ADAMTS19: variants seen among roughly 807,000 people sequenced by gnomAD.
ADAMTS19 encodes ADAM metallopeptidase with thrombospondin type 1 motif 19, also known as A disintegrin and metalloproteinase with thrombospondin motifs 19.
In ADAMTS19, 93 loss-of-function variants were observed where a neutral mutation model predicts 153.3. The observed-to-expected ratio is 0.61, with a 90% CI of 0.51 to 0.72. The LOEUF is 0.72. ADAMTS19 is among the 30% of genes least tolerant of loss of function. ADAMTS19 has a pLI of 0.00. For missense variants in ADAMTS19, 1,482 were observed against 1,552.1 expected (o/e 0.95, Z 0.76); for synonymous variants, 600 against 556.6 (o/e 1.08, Z -1.10).
chr5:129,585,595 T>C (rs1749742035), intron 7 of ADAMTS19, among the ~76,000 whole-genome samples: 3 of 152,206 alleles, frequency 2.0e-5, no homozygotes, highest in Admixed American at 6.5e-5. Context: ...ATGTATTCAA[T>C]ATTTGTTTAT....
intron 6 of ADAMTS19, among the ~76,000 whole-genome samples, chr5:129,545,017 C>T (rs933089250): frequency 2.6e-5 from 4 of 152,096 alleles, no homozygotes; most frequent in Non-Finnish European, 5.9e-5. Flanking sequence ...TAACATCCCA[C>T]TGACTGAGTT....
chr5:129,602,949 C>A (rs182139502), intron 8 of ADAMTS19, among the ~76,000 whole-genome samples: 207 of 151,542 alleles, frequency 1.4e-3, no homozygotes, highest in African/African-American at 4.8e-3. Flanking sequence ...GCATTAACTG[C>A]TCAGTAAATG....
Position 129,616,108 on chromosome 5 carries a change from A to C in ADAMTS19, c.1479-4510A>C, listed in dbSNP as rs148267984. Among the ~76,000 whole-genome samples the C allele has an allele frequency of 1.2e-4, 19 of 152,038 alleles. No individual in the cohort carries two copies. The East Asian group carries it at 3.3e-3, about 26-fold the overall frequency. On this transcript the variant is annotated intron_variant, in intron 8 of 22. Transcript: ENST00000274487. ...TGACTTGCCAGTAAAAGTAGGTTTC[A>C]TTGTTTGTGCAAATTGAAATGACTT...
In ADAMTS19 at chr5:129,609,364, T is replaced by C. The variant is rs575696287; in HGVS notation, c.1479-11254T>C. On this transcript the variant is annotated intron_variant, in intron 8 of 22. Transcript: ENST00000274487. ...TAGGGTTTGTGATACTCTAGTGTCA[T>C]GGCACAATGATTGGCACAAAATACA... Among the ~76,000 whole-genome samples, 39 of 152,340 alleles carry C rather than the reference T, an allele frequency of 2.6e-4. No individual in the cohort carries two copies. In the South Asian group the frequency reaches 8.1e-3, roughly 32 times the overall value.
chr5:129,735,256 T>A, intron 22 of ADAMTS19, 147 bp downstream of exon 22: 1 of 835,888 alleles, frequency 1.2e-6, no homozygotes, highest in South Asian at 4.5e-5. Flanking sequence ...TTAAATATGA[T>A]TTCGTCCAAA....
At chr5:129,729,658 C>T (rs1033120108) in intron 21 of ADAMTS19, among the ~76,000 whole-genome samples, 10 of 152,046 alleles carry the variant, frequency 6.6e-5, no homozygotes, top group Non-Finnish European at 1.2e-4. Context: ...AGTTACAAAA[C>T]GTAATTTGCC....
intron 7 of ADAMTS19, among the ~76,000 whole-genome samples, chr5:129,569,660 A>G (rs1001517917): frequency 6.6e-6 from 1 of 152,150 alleles, no homozygotes; most frequent in African/African-American, 2.4e-5. Context: ...AATTAATTAC[A>G]AAAAGATAGC....
intron 2 of ADAMTS19, among the ~76,000 whole-genome samples, chr5:129,506,274 C>T (rs950443160): frequency 6.6e-6 from 1 of 152,068 alleles, no homozygotes; most frequent in African/African-American, 2.4e-5. Flanking sequence ...AAAGAAAGTT[C>T]ATGGTATGAC....
chr5:129,673,412 G>A (rs1221325243), intron 16 of ADAMTS19, among the ~76,000 whole-genome samples: 1 of 151,946 alleles, frequency 6.6e-6, no homozygotes, highest in Non-Finnish European at 1.5e-5. Flanking sequence ...TGATTCATGA[G>A]TTACTTATAA....
At chr5:129,537,524 C>G (rs1752488843) in intron 6 of ADAMTS19, among the ~76,000 whole-genome samples, 4 of 152,086 alleles carry the variant, frequency 2.6e-5, no homozygotes, top group South Asian at 4.2e-4. Flanking sequence ...TTGGAACCAA[C>G]CCAAATGTCC....
chr5:129,570,757 G>T (rs1211105347), intron 7 of ADAMTS19, among the ~76,000 whole-genome samples: 2 of 151,724 alleles, frequency 1.3e-5, no homozygotes, highest in African/African-American at 4.8e-5. Flanking sequence ...AATAAAGGCT[G>T]GTTCAATATT....
At chr5:129,687,425 A>G (rs1219199162) in intron 18 of ADAMTS19, among the ~76,000 whole-genome samples, 1 of 152,198 alleles carries the variant, frequency 6.6e-6, no homozygotes, top group Non-Finnish European at 1.5e-5. Context: ...GGAGTTAAAC[A>G]TACAGAACTT....
Position 129,701,533 on chromosome 5 carries a change from G to T in ADAMTS19, c.3100G>T (p.Ala1034Ser). ...CTGCATTGGGCCCAAGCCCGCCTCTGCCCAGCGCTGTGAGGGCCAGGACTG... is the reference window on the plus strand; with the variant it reads ...CTGCATTGGGCCCAAGCCCGCCTCTTCCCAGCGCTGTGAGGGCCAGGACTG... Reference protein sequence around the residue: ...RDCIGPKPASAQRCEGQDCMT... With the variant: ...RDCIGPKPASSQRCEGQDCMT... The change falls in exon 20 of 23, where the codon GCC becomes TCC. Residue 1034 changes from alanine to serine, a missense_variant. Physicochemically the swap from Ala to Ser is moderately conservative, Grantham distance 99 (BLOSUM62 1). Around this residue, in one of 2 missense-constraint regions of ADAMTS19, gnomAD observed 616 missense variants for 724.4 expected, o/e 0.85. Coordinates refer to ENST00000274487, the MANE Select transcript of ADAMTS19 (RefSeq NM_133638.6). The T allele has an allele frequency of 1.2e-6, 2 of 1,614,166 alleles. No homozygotes were observed. The highest frequency in any genetic ancestry group is 1.1e-5 in the South Asian group (1 of 91,080).
At chr5:129,608,114 G>GTATATATA (rs1235116462) in intron 8 of ADAMTS19, among the ~76,000 whole-genome samples, 39 of 28,736 alleles carry the variant, frequency 1.4e-3, no homozygotes, top group East Asian at 3.2e-3. Flanking sequence ...GTGTGTGTGT[G>GTATATATA]TGTATATATA....
chr5:129,527,630 TTTTA>T (rs1328042613), intron 4 of ADAMTS19, 114 bp from the exon 5 acceptor site: 45 of 287,008 alleles, frequency 1.6e-4, no homozygotes, highest in Middle Eastern at 1.2e-3. Flanking sequence ...TTTTTTTTTT[TTTTA>T]AAAAAAAAAA....
chr5:129,540,023 G>A (rs1186984933), intron 6 of ADAMTS19, among the ~76,000 whole-genome samples: 1 of 151,988 alleles, frequency 6.6e-6, no homozygotes, highest in African/African-American at 2.4e-5. Context: ...TTCTAGTTAG[G>A]GTAAAGATGA....
intron 3 of ADAMTS19, among the ~76,000 whole-genome samples, chr5:129,513,248 A>T (rs927840352): frequency 6.6e-6 from 1 of 151,886 alleles, no homozygotes; most frequent in African/African-American, 2.4e-5. Context: ...TTGTTCCTCT[A>T]AGTCTGATTG....
chr5:129,516,762 T>A (rs1197654587), intron 3 of ADAMTS19, among the ~76,000 whole-genome samples: 2 of 82,704 alleles, frequency 2.4e-5, no homozygotes, highest in Admixed American at 2.3e-4. Context: ...TTTTATTGAT[T>A]TTTTTTGTAT....
intron 2 of ADAMTS19, among the ~76,000 whole-genome samples, chr5:129,467,229 A>G (rs1423718309): frequency 3.3e-5 from 5 of 152,172 alleles, no homozygotes; most frequent in Admixed American, 6.5e-5. Context: ...AGCATGCTGT[A>G]TGCCTCAGTG....
Sources: allele counts gnomAD v4.1 joint callset (sites outside exome capture counted in the v4.1 genomes callset), GRCh38; gene constraint gnomAD v4.1.1; regional missense constraint gnomAD v4.1.1; transcripts MANE v1.5; gene names NCBI Gene and HGNC (gene_info 2026-07-23, HGNC 2026-07-21).